The following DPYD variants were observed in gnomAD, a reference collection of about 807,000 sequenced individuals.
DPYD encodes the protein dihydropyrimidine dehydrogenase.
Under a neutral mutation model 116.2 loss-of-function variants are expected in DPYD, and 109 were observed. That is an observed-to-expected ratio of 0.94 (90% confidence interval 0.80 to 1.10). The LOEUF is 1.10. DPYD is among the 50% of genes least tolerant of loss of function. DPYD has a pLI of 0.00. For missense variants in DPYD, 1,302 were observed against 1,254.5 expected, an observed-to-expected ratio of 1.04 and a Z score of -0.57; for synonymous variants, 440 against 432.0, an observed-to-expected ratio of 1.02 and a Z score of -0.23.
At chr1:97,508,069 G>A (rs1647483964) in intron 13 of DPYD, among the ~76,000 whole-genome samples, 1 of 151,986 alleles carries the variant, frequency 6.6e-6, no homozygotes, top group African/African-American at 2.4e-5. Flanking sequence ...CACTGGGCAT[G>A]CTGTAGTGAG....
chr1:97,553,292 T>G (rs1471955380), intron 11 of DPYD, among the ~76,000 whole-genome samples: 1 of 152,070 alleles, frequency 6.6e-6, no homozygotes, highest in Admixed American at 6.6e-5. Flanking sequence ...ATTTTAATTA[T>G]TTAATCATTT....
chr1:97,304,599 A>G (rs1667050861), intron 18 of DPYD, among the ~76,000 whole-genome samples: 2 of 151,980 alleles, frequency 1.3e-5, no homozygotes, highest in Admixed American at 1.3e-4. Flanking sequence ...ATCACCAAGG[A>G]GACTAATCCC....
Position 97,161,238 on chromosome 1 carries a change from T to A in DPYD, c.2622+31831A>T, listed in dbSNP as rs115614586. ...AAGTGTCTTACACAGTTACAGGGAA[T>A]GTCTCAAACAGCCTGACTATATATA... On this transcript the variant is annotated intron_variant, in intron 20 of 22. Coordinates refer to ENST00000370192, the MANE Select transcript of DPYD (RefSeq NM_000110.4). Among the ~76,000 whole-genome samples, 1,379 of 152,280 alleles carry A rather than the reference T, an allele frequency of 9.1e-3. 18 individuals carry two copies. Among genetic ancestry groups the A allele is most frequent in the African/African-American group, 0.032 (1,312 of 41,544 alleles).
At chr1:97,443,035 T>C (rs1675886596) in intron 14 of DPYD, among the ~76,000 whole-genome samples, 1 of 152,156 alleles carries the variant, frequency 6.6e-6, no homozygotes, top group Non-Finnish European at 1.5e-5. Flanking sequence ...GTCACACAGA[T>C]GAGGAATTGA....
intron 8 of DPYD, among the ~76,000 whole-genome samples, chr1:97,647,935 C>T (rs1361634382): frequency 1.3e-5 from 2 of 151,944 alleles, no homozygotes; most frequent in South Asian, 2.1e-4. Context: ...CAACTCTGCC[C>T]TTTCTCTCTC....
chr1:97,802,568 C>T (rs74105464), intron 3 of DPYD, among the ~76,000 whole-genome samples: 4,669 of 151,824 alleles, frequency 0.031, 235 homozygotes, highest in African/African-American at 0.1. Flanking sequence ...TCAGATCTAT[C>T]CCTCAGATAT....
At chr1:97,079,227 C>T (rs1036927624) in intron 22 of DPYD, 81 bp from the exon 23 acceptor site, 1 of 1,502,378 alleles carries the variant, frequency 6.7e-7, no homozygotes, top group African/African-American at 1.4e-5. Context: ...ACATTTTTCT[C>T]TGCTGCAGAG....
chr1:97,425,002 C>A (rs937579516), intron 14 of DPYD, among the ~76,000 whole-genome samples: 9 of 151,938 alleles, frequency 5.9e-5, no homozygotes, highest in Non-Finnish European at 1.0e-4. Flanking sequence ...AATATCACAT[C>A]AATTTCATAT....
chr1:97,169,364 A>C (rs1364316597), intron 20 of DPYD, among the ~76,000 whole-genome samples: 1 of 152,084 alleles, frequency 6.6e-6, no homozygotes, highest in African/African-American at 2.4e-5. Flanking sequence ...TTTTCTTTCC[A>C]ACTCCAAATG....
At chr1:97,664,730 G>C (rs1027277047) in intron 8 of DPYD, among the ~76,000 whole-genome samples, 1 of 151,928 alleles carries the variant, frequency 6.6e-6, no homozygotes, top group Non-Finnish European at 1.5e-5. Context: ...CAGAAACAAG[G>C]GTCTTCGAGT....
chr1:97,906,987 G>C (rs1673661544), intron 1 of DPYD, among the ~76,000 whole-genome samples: 1 of 151,970 alleles, frequency 6.6e-6, no homozygotes, highest in South Asian at 2.1e-4. Context: ...TGAATACAAA[G>C]GACTCCAATA....
intron 18 of DPYD, among the ~76,000 whole-genome samples, chr1:97,251,039 G>A (rs1201379046): frequency 2.0e-5 from 3 of 152,046 alleles, no homozygotes; most frequent in Non-Finnish European, 4.4e-5. Flanking sequence ...TTCTTTTGAT[G>A]GTCAGAATCT....
chr1:97,283,788 G>C (rs1464527870), intron 18 of DPYD, among the ~76,000 whole-genome samples: 2 of 152,062 alleles, frequency 1.3e-5, no homozygotes, highest in Non-Finnish European at 2.9e-5. Flanking sequence ...GTTTTTGCTA[G>C]TTTGAATGCT....
chr1:97,173,234 GCA>G (rs1205568816), intron 20 of DPYD, among the ~76,000 whole-genome samples: 2 of 106,352 alleles, frequency 1.9e-5, no homozygotes, highest in African/African-American at 3.4e-5. Flanking sequence ...ACATATATGC[GCA>G]CACATATATG....
chr1:97,444,588 T>C (rs1356632056), intron 14 of DPYD, among the ~76,000 whole-genome samples: 3 of 152,174 alleles, frequency 2.0e-5, no homozygotes, highest in African/African-American at 7.2e-5. Flanking sequence ...TACACACACA[T>C]ATGTATATAC....
At chr1:97,102,123 C>T (rs1006932143) in intron 20 of DPYD, among the ~76,000 whole-genome samples, 1 of 151,782 alleles carries the variant, frequency 6.6e-6, no homozygotes, top group Non-Finnish European at 1.5e-5. Context: ...GTTAATTGAG[C>T]ATATTATGAA....
chr1:97,192,214 C>T (rs974882194), intron 20 of DPYD, among the ~76,000 whole-genome samples: 3 of 152,034 alleles, frequency 2.0e-5, no homozygotes, highest in South Asian at 2.1e-4. Context: ...CTTTCTGAGT[C>T]CCTAACCCAG....
intron 3 of DPYD, among the ~76,000 whole-genome samples, chr1:97,754,182 C>T (rs1051069608): frequency 4.6e-5 from 7 of 152,044 alleles, no homozygotes; most frequent in African/African-American, 7.2e-5. Flanking sequence ...AGGTAGACCA[C>T]GTTTTCGGGC....
intron 18 of DPYD, among the ~76,000 whole-genome samples, chr1:97,245,954 G>T (rs1662689805): frequency 6.6e-6 from 1 of 151,964 alleles, no homozygotes; most frequent in Non-Finnish European, 1.5e-5. Flanking sequence ...CTGTGATAAG[G>T]CTGTGTCCCT....
Sources: gnomAD v4.1 joint callset for allele counts (sites outside exome capture counted in the v4.1 genomes callset) on GRCh38, gnomAD v4.1.1 for gene constraint, MANE v1.5 for transcripts, NCBI Gene and HGNC (gene_info 2026-07-23, HGNC 2026-07-21) for gene names.